MTMR14: variants seen among roughly 807,000 people sequenced by gnomAD.
The protein encoded by MTMR14 is phosphatidylinositol-3,5-bisphosphate 3-phosphatase MTMR14.
A neutral mutation model predicts 86.3 loss-of-function variants in MTMR14; 48 were observed. The observed-to-expected ratio is 0.56, with a 90% confidence interval of 0.44 to 0.71. The LOEUF (loss-of-function observed/expected upper bound fraction) is 0.71. Among genes scored for constraint, MTMR14 ranks in the 30% least tolerant of loss-of-function variants. The pLI, the probability that MTMR14 is intolerant of heterozygous loss-of-function variation, is 0.00. For missense variants in MTMR14, 780 were observed against 834.6 expected, an observed-to-expected ratio of 0.93 and a Z score of 0.81; for synonymous variants, 366 against 326.1, an observed-to-expected ratio of 1.12 and a Z score of -1.32.
At chr3:9,698,406 G>A (rs2076349106) in intron 18 of MTMR14, among the ~76,000 whole-genome samples, 1 of 152,230 alleles carries the variant, frequency 6.6e-6, no homozygotes, top group Non-Finnish European at 1.5e-5. Context: ...TTAACAGTGT[G>A]TCCACCTGAC....
At chr3:9,672,379 A>T (rs2048613158) in intron 6 of MTMR14, among the ~76,000 whole-genome samples, 1 of 152,152 alleles carries the variant, frequency 6.6e-6, no homozygotes, top group Admixed American at 6.5e-5. Flanking sequence ...AGCTGGGATT[A>T]CAGGAGCGCG....
intron 7 of MTMR14, 102 bp downstream of exon 7, chr3:9,672,860 C>T: frequency 9.2e-7 from 1 of 1,088,092 alleles, no homozygotes; most frequent in East Asian, 2.4e-5. Flanking sequence ...TGGGAGCTTT[C>T]CTGGAGGGTT....
At chr3:9,690,739 G>A (rs1022245643) in intron 17 of MTMR14, among the ~76,000 whole-genome samples, 7 of 152,212 alleles carry the variant, frequency 4.6e-5, no homozygotes, top group African/African-American at 1.4e-4. Flanking sequence ...TGGCACTTGG[G>A]GAAAGCATTT....
chr3:9,699,340 A>G (rs1288292436), intron 18 of MTMR14: 1 of 152,146 alleles, frequency 6.6e-6, no homozygotes, highest in Non-Finnish European at 1.5e-5. Context: ...CACCCACCCT[A>G]GAACCTACAA....
At position 9,701,910 on chromosome 3, in the gene MTMR14, G is replaced by T; in HGVS notation, c.1890G>T (p.Gly630=). 6.2e-7 allele frequency: 1 copy of T among 1,614,192 alleles called. No homozygotes were observed. Among genetic ancestry groups the T allele is most frequent in the Middle Eastern group, 1.6e-4 (1 of 6,062 alleles). Residue 630 remains glycine (G), a synonymous_variant, in exon 19 of 19, where the codon GGG becomes GGT. Coordinates refer to ENST00000296003, the MANE Select transcript of MTMR14 (RefSeq NM_001077525.3). This position sits in a 1 kb window ranked among gnomAD's most constrained non-coding sequence, Gnocchi z 4.2. ...AVAPSPSGAI[G]GLLEQFARGV... is the part of the protein sequence containing the mutation. Reference sequence around the variant, plus strand: ...CCCCCAGTCCTTCCGGTGCCATCGGGGGCCTGCTGGAGCAATTTGCCCGTG... The same window carrying T: ...CCCCCAGTCCTTCCGGTGCCATCGGTGGCCTGCTGGAGCAATTTGCCCGTG...
chr3:9,690,144 G>A lies in MTMR14; in HGVS notation c.1613+1G>A. On this transcript the variant is annotated splice_donor_variant, in intron 17 of 18. Transcript: ENST00000296003. LOFTEE classifies it high-confidence loss of function. The stretch of plus-strand genomic sequence containing the variant: ...GTCCCCTGGAGGTCCCCAAACCCAG[G>A]TGAGGAGCTCCAAAGCCCTTGCTGT... 1 of 1,613,606 alleles carries A rather than the reference G, an allele frequency of 6.2e-7. No individual in the cohort carries two copies. Among genetic ancestry groups the A allele is most frequent in the Middle Eastern group, 1.8e-4 (1 of 5,692 alleles).
chr3:9,689,485 C>T (rs990771286), intron 16 of MTMR14, among the ~76,000 whole-genome samples: 1 of 152,138 alleles, frequency 6.6e-6, no homozygotes, highest in East Asian at 1.9e-4. Flanking sequence ...TTGAGAATCT[C>T]ATGAAATTGA....
At chr3:9,683,400 G>A in intron 10 of MTMR14, 156 bp downstream of exon 10, 1 of 708,228 alleles carries the variant, frequency 1.4e-6, no homozygotes, top group Non-Finnish European at 2.5e-6. Flanking sequence ...AGGCTGGGTG[G>A]GATTTGTCCA....
chr3:9,672,648 T>A, intron 6 of MTMR14, 37 bp from the exon 7 acceptor site: 1 of 1,551,234 alleles, frequency 6.4e-7, no homozygotes. Context: ...TGTGTGTGTG[T>A]TGCGACACTG....
intron 2 of MTMR14, among the ~76,000 whole-genome samples, chr3:9,661,955 C>G (rs2047963008): frequency 6.6e-6 from 1 of 151,836 alleles, no homozygotes; most frequent in Admixed American, 6.6e-5. Flanking sequence ...GGTGTGGTGG[C>G]TCACACCTGT....
At chr3:9,671,814 T>C (rs1438281975) in intron 6 of MTMR14, among the ~76,000 whole-genome samples, 1 of 152,234 alleles carries the variant, frequency 6.6e-6, no homozygotes, top group Non-Finnish European at 1.5e-5. Flanking sequence ...AGGAACTTTT[T>C]CCAAAATTTT....
At chr3:9,687,015 T>C (rs2075981211) in intron 13 of MTMR14, among the ~76,000 whole-genome samples, 1 of 152,258 alleles carries the variant, frequency 6.6e-6, no homozygotes, top group Non-Finnish European at 1.5e-5. Context: ...AGACAGTGGC[T>C]GCCCACACCC....
intron 2 of MTMR14, among the ~76,000 whole-genome samples, chr3:9,660,965 G>A (rs1296801555): frequency 1.3e-4 from 20 of 152,144 alleles, no homozygotes; most frequent in South Asian, 2.1e-4. Context: ...TTATGAGAGC[G>A]GACCCTTATT....
intron 18 of MTMR14, among the ~76,000 whole-genome samples, chr3:9,698,803 C>T (rs1342705049): frequency 6.6e-6 from 1 of 152,052 alleles, no homozygotes. Context: ...GGTCACTGTG[C>T]CTGGCACAGC....
chr3:9,649,510 C>T lies in MTMR14; in HGVS notation c.-74C>T. ...GGTGGCTGAGGCGGTTCCGGAGGTTCTAGTGTCGGAGTTGGGTGCAGGCAG... is the reference window on the plus strand; with the variant it reads ...GGTGGCTGAGGCGGTTCCGGAGGTTTTAGTGTCGGAGTTGGGTGCAGGCAG... On this transcript the variant is annotated 5_prime_UTR_variant, in exon 1 of 19. Transcript: ENST00000296003. 1 of 1,481,020 alleles carries T rather than the reference C, an allele frequency of 6.8e-7. No individual in the cohort carries two copies. The highest frequency in any genetic ancestry group is 2.4e-5 in the Admixed American group (1 of 41,578). The allele number at this position is 1,481,020 out of a possible 1,614,324, so 91.7% of individuals were successfully genotyped here.
At position 9,687,815 on chromosome 3, in the gene MTMR14, C is replaced by T; in HGVS notation, c.1165-6C>T. ...TCATTGTGCGCTGCTCTTTGGTCTC[C>T]TTTAGATTTTCTTCTTCTGCTTCAA... On this transcript the variant is annotated splice_polypyrimidine_tract_variant and splice_region_variant and intron_variant, in intron 13 of 18. Coordinates refer to ENST00000296003, the MANE Select transcript of MTMR14 (RefSeq NM_001077525.3). 6.4e-7 allele frequency: 1 copy of T among 1,569,622 alleles called. No individual in the cohort carries two copies. Among genetic ancestry groups the T allele is most frequent in the Non-Finnish European group, 8.7e-7 (1 of 1,154,922 alleles).
chr3:9,662,191 C>G (rs2047980127), intron 2 of MTMR14, 76 bp from the exon 3 acceptor site: 5 of 1,028,604 alleles, frequency 4.9e-6, no homozygotes, highest in Non-Finnish European at 7.7e-6. Context: ...GTATGGGGGT[C>G]TGTGTGAATA....
chr3:9,655,741 G>A (rs1487665470), intron 2 of MTMR14, among the ~76,000 whole-genome samples: 1 of 151,554 alleles, frequency 6.6e-6, no homozygotes, highest in East Asian at 2.0e-4. Flanking sequence ...GATTATAGGT[G>A]TGAGCCAGCA....
At chr3:9,666,135 T>G (rs1469554483) in intron 3 of MTMR14, among the ~76,000 whole-genome samples, 10 of 104,896 alleles carry the variant, frequency 9.5e-5, no homozygotes, top group African/African-American at 3.3e-4. Flanking sequence ...GTTTGTTGGT[T>G]TTTTTTTTTT....
Sources: allele counts gnomAD v4.1 joint callset (sites outside exome capture counted in the v4.1 genomes callset), GRCh38; gene constraint gnomAD v4.1.1; non-coding constraint Gnocchi (gnomAD v3.1); transcripts MANE v1.5; gene names NCBI Gene and HGNC (gene_info 2026-07-23, HGNC 2026-07-21).